The following ITIH5 variants were observed in gnomAD, a reference collection of about 807,000 sequenced individuals.
ITIH5 encodes inter-alpha-trypsin inhibitor heavy chain H5.
Under a neutral mutation model 77.5 loss-of-function variants are expected in ITIH5, and 65 were observed. The observed-to-expected ratio is 0.84, with a 90% CI of 0.69 to 1.03. ITIH5 has a LOEUF of 1.03. ITIH5 is among the 50% of genes least tolerant of loss of function. The pLI, the probability that ITIH5 is intolerant of heterozygous loss-of-function variation, is 0.00. For synonymous variants in ITIH5, 525 were observed against 494.3 expected (o/e 1.06, Z -0.82); for missense variants, 1,208 against 1,213.1 (o/e 1.00, Z 0.06).
chr10:7,574,787 C>T (rs1832373554), intron 10 of ITIH5, among the ~76,000 whole-genome samples: 1 of 102,644 alleles, frequency 9.7e-6, no homozygotes, highest in African/African-American at 4.1e-5. Context: ...AGCGAGACTC[C>T]ATCTCGGAAA....
chr10:7,620,712 G>A (rs1298312611), intron 5 of ITIH5: 1 of 151,514 alleles, frequency 6.6e-6, no homozygotes, highest in Non-Finnish European at 1.5e-5. Flanking sequence ...TCCTTAGGAT[G>A]AATGTGCATG....
rs77637720 is a variant in ITIH5 at position 7,662,372 on chromosome 10, G to C, written c.90+4431C>G. Among the ~76,000 whole-genome samples the C allele has an allele frequency of 2.1e-3, 326 of 151,982 alleles. 2 individuals carry two copies. Among genetic ancestry groups the C allele is most frequent in the African/African-American group, 7.2e-3 (297 of 41,466 alleles). ...ACTGTCTCAAAAAAAAAAAGAGAGA[G>C]AGACAGACAGAGAAAAGAAAAGAAA... On this transcript the variant is annotated intron_variant, in intron 1 of 13. Transcript: ENST00000397146.
Position 7,565,870 on chromosome 10 carries a change from A to G in ITIH5, c.2527+160T>C, listed in dbSNP as rs560799049. Reference sequence around the variant, plus strand: ...ATATGTATAGACTATATATATGTACACACACACATACATACATACATATGC... The same window carrying G: ...ATATGTATAGACTATATATATGTACGCACACACATACATACATACATATGC... On this transcript the variant is annotated intron_variant, in intron 13 of 13. Transcript: ENST00000397146. Among the ~76,000 whole-genome samples the G allele has an allele frequency of 1.5e-4, 22 of 146,386 alleles. No individual in the cohort carries two copies. The South Asian group carries it at 3.7e-3, about 25-fold the overall frequency.
At chr10:7,572,937 C>G (rs1832332423) in intron 11 of ITIH5, 2 of 501,868 alleles carry the variant, frequency 4.0e-6, no homozygotes, top group Non-Finnish European at 7.2e-6. Flanking sequence ...GCCACCATGC[C>G]TGGCTAATTT....
At chr10:7,612,058 A>G (rs1833257199) in intron 7 of ITIH5, among the ~76,000 whole-genome samples, 1 of 152,106 alleles carries the variant, frequency 6.6e-6, no homozygotes. Context: ...TGGAATGTGT[A>G]CCAAACCCAC....
At chr10:7,585,530 G>T (rs564986854) in intron 8 of ITIH5, among the ~76,000 whole-genome samples, 6 of 152,216 alleles carry the variant, frequency 3.9e-5, no homozygotes, top group East Asian at 1.9e-4. Flanking sequence ...CCCAAGGTGC[G>T]CACGAAACAC....
At chr10:7,625,925 C>T (rs1008332678) in intron 5 of ITIH5, among the ~76,000 whole-genome samples, 1 of 152,164 alleles carries the variant, frequency 6.6e-6, no homozygotes, top group African/African-American at 2.4e-5. Flanking sequence ...TCTGTAGATT[C>T]CAGGAACCTT....
Position 7,637,473 on chromosome 10 carries a change from T to C in ITIH5, c.407A>G (p.Lys136Arg), listed in dbSNP as rs1375968348. 6 of 1,613,508 alleles carry C rather than the reference T, an allele frequency of 3.7e-6. No homozygotes were observed. Among genetic ancestry groups the C allele is most frequent in the Non-Finnish European group, 4.2e-6 (5 of 1,179,904 alleles). ...RNKTTEENGE[K>R]GTEIFRASAV... Reference sequence around the variant, plus strand: ...AGAAGCTCTGAATATTTCAGTCCCCTTCTCTCTGTCAGGAAAAAGGAAAAG... The same window carrying C: ...AGAAGCTCTGAATATTTCAGTCCCCCTCTCTCTGTCAGGAAAAAGGAAAAG... The change falls in exon 5 of 14, where the codon AAG (lysine) becomes AGG (arginine). Residue 136 changes from lysine (K) to arginine (R), a missense_variant. By Grantham distance (26) the Lys-to-Arg change is conservative (BLOSUM62 2). Coordinates refer to ENST00000397146, the MANE Select transcript of ITIH5 (RefSeq NM_030569.7).
chr10:7,620,497 T>C (rs560080218), intron 5 of ITIH5: 16 of 152,362 alleles, frequency 1.1e-4, no homozygotes, highest in African/African-American at 3.6e-4. Flanking sequence ...AAATATTCCA[T>C]GTCTTGAGGT....
chr10:7,644,936 TCACATATATATATATCACAC>T (rs1564278565), intron 2 of ITIH5, among the ~76,000 whole-genome samples: 5 of 24,480 alleles, frequency 2.0e-4, no homozygotes, highest in African/African-American at 5.3e-4. Flanking sequence ...CATATATATA[TCACATATATATATATCACAC>T]ATATATATAT....
At chr10:7,642,206 C>T (rs989827473) in intron 2 of ITIH5, 116 bp from the exon 3 acceptor site, 1 of 741,722 alleles carries the variant, frequency 1.3e-6, no homozygotes. Context: ...GAGCCTTTGG[C>T]ATGTGATTCC....
chr10:7,633,316 G>C (rs1388301318), intron 5 of ITIH5, among the ~76,000 whole-genome samples: 1 of 152,188 alleles, frequency 6.6e-6, no homozygotes, highest in Non-Finnish European at 1.5e-5. Context: ...CGTCTCACAG[G>C]ATTGCCTTTT....
At chr10:7,573,275 A>G in intron 10 of ITIH5, 80 bp from the exon 11 acceptor site, 1 of 1,215,150 alleles carries the variant, frequency 8.2e-7, no homozygotes, top group South Asian at 1.2e-5. Context: ...GAGAGGAGAC[A>G]TGAGCAAAAC....
At chr10:7,593,918 A>G (rs1319531309) in intron 7 of ITIH5, among the ~76,000 whole-genome samples, 4 of 152,214 alleles carry the variant, frequency 2.6e-5, no homozygotes, top group East Asian at 1.9e-4. Context: ...CCCACCTCCA[A>G]TGGGCTGAGC....
At chr10:7,648,024 A>G (rs1834033207) in intron 2 of ITIH5, among the ~76,000 whole-genome samples, 1 of 151,948 alleles carries the variant, frequency 6.6e-6, no homozygotes, top group South Asian at 2.1e-4. Context: ...CAGGTGGATC[A>G]CGAAGTCAGG....
At chr10:7,645,840 T>C (rs1322924127) in intron 2 of ITIH5, among the ~76,000 whole-genome samples, 1 of 152,204 alleles carries the variant, frequency 6.6e-6, no homozygotes, top group African/African-American at 2.4e-5. Flanking sequence ...ATTTCATACA[T>C]TTCAGTAAAG....
chr10:7,657,456 G>A (rs1441217032), intron 1 of ITIH5, among the ~76,000 whole-genome samples: 1 of 151,330 alleles, frequency 6.6e-6, no homozygotes, highest in African/African-American at 2.4e-5. Context: ...TACAGAAAAG[G>A]GAAGAAAATA....
rs774508912 is a variant in ITIH5 at position 7,580,015 on chromosome 10, C to T, written c.1158G>A (p.Lys386=). The T allele has an allele frequency of 7.4e-6, 12 of 1,613,308 alleles. No individual in the cohort carries two copies. The highest frequency in any genetic ancestry group is 8.5e-6 in the Non-Finnish European group (10 of 1,179,856). ...CTCCAATGCCACTGTGGGCCACGTA[C>T]TTGTTGAGGAGCCTGATGGCCCTCT... The part of the protein sequence containing the change: ...ALQRAIRLLN[K]YVAHSGIGDR... Residue 386 remains lysine (K), a synonymous_variant, in exon 9 of 14, where the codon AAG becomes AAA. Transcript: ENST00000397146.
At position 7,619,635 on chromosome 10, in the gene ITIH5, C is replaced by T. The variant is rs151295984; in HGVS notation, c.653-2353G>A. 5.6e-5 allele frequency: 21 copies of T among 372,276 alleles called. No individual in the cohort carries two copies. In the East Asian group the frequency reaches 1.3e-3, roughly 23 times the overall value. The allele number at this position is 372,276 out of a possible 1,614,324, so 23.1% of individuals were successfully genotyped here. A position where few individuals can be genotyped will look rare whatever the true frequency, so the allele number is the denominator to read the frequency against. ...AACTTACAATCACGCAGAAGGCAAACGCAAAGCGAACACGTCTACAAGGCG... is the reference window on the plus strand; with the variant it reads ...AACTTACAATCACGCAGAAGGCAAATGCAAAGCGAACACGTCTACAAGGCG... On this transcript the variant is annotated intron_variant, in intron 5 of 13. Transcript: ENST00000397146.
Sources: gnomAD v4.1 joint callset for allele counts (sites outside exome capture counted in the v4.1 genomes callset) on GRCh38, gnomAD v4.1.1 for gene constraint, MANE v1.5 for transcripts, NCBI Gene and HGNC (gene_info 2026-07-23, HGNC 2026-07-21) for gene names.